The following PCCA variants were observed in gnomAD, a reference collection of about 807,000 sequenced individuals.
PCCA encodes the protein propionyl-CoA carboxylase subunit alpha, also known as propionyl-CoA carboxylase alpha chain, mitochondrial.
In PCCA, 74 loss-of-function variants were observed where a neutral mutation model predicts 101.3. The observed-to-expected ratio is 0.73, with a 90% CI of 0.61 to 0.89. The LOEUF is 0.89. PCCA is among the 40% of genes least tolerant of loss of function. The probability of loss-of-function intolerance (pLI) is 0.00; values close to 1 mark genes in which losing one functional copy is unlikely to be tolerated. For synonymous variants in PCCA, 294 were observed against 313.6 expected (o/e 0.94, Z 0.66); for missense variants, 891 against 907.0 (o/e 0.98, Z 0.23).
chr13:100,225,677 A>G (rs894708397), intron 7 of PCCA, among the ~76,000 whole-genome samples: 2 of 152,248 alleles, frequency 1.3e-5, no homozygotes, highest in African/African-American at 4.8e-5. Flanking sequence ...CTAAACCAAG[A>G]ATAATCAGTT....
At position 100,340,227 on chromosome 13, in the gene PCCA, G is replaced by A; in HGVS notation, c.1611G>A (p.Gln537=). The part of the protein sequence containing the change: ...AIASSLFVAF[Q]LRAQHFQENS... ...CATCATCATTGTTTGTGGCATTCCA[G>A]TTAAGAGCACAACATTTTCAAGAAA... Residue 537 remains glutamine (Q), a synonymous_variant, in exon 18 of 24, where the codon CAG becomes CAA. Coordinates refer to ENST00000376285, the MANE Select transcript of PCCA (RefSeq NM_000282.4). 1.2e-6 allele frequency: 2 copies of A among 1,606,874 alleles called. No individual in the cohort carries two copies. Among genetic ancestry groups the A allele is most frequent in the East Asian group, 2.2e-5 (1 of 44,794 alleles).
chr13:100,232,363 T>G (rs893949929), intron 7 of PCCA, among the ~76,000 whole-genome samples: 1 of 149,658 alleles, frequency 6.7e-6, no homozygotes, highest in African/African-American at 2.5e-5. Context: ...TGTGTGTGTG[T>G]GTGTGTGTGT....
At chr13:100,356,764 A>G (rs2152791887) in intron 18 of PCCA, among the ~76,000 whole-genome samples, 1 of 152,308 alleles carries the variant, frequency 6.6e-6, no homozygotes, top group East Asian at 1.9e-4. Context: ...GTTGTATACA[A>G]ATGTTTATAG....
chr13:100,393,180 C>T (rs1001890365), intron 19 of PCCA, among the ~76,000 whole-genome samples: 1 of 152,070 alleles, frequency 6.6e-6, no homozygotes, highest in African/African-American at 2.4e-5. Flanking sequence ...GAAAAAAACA[C>T]GATTGCTCAA....
intron 8 of PCCA, among the ~76,000 whole-genome samples, chr13:100,248,292 G>T (rs2061562431): frequency 6.6e-6 from 1 of 151,568 alleles, no homozygotes; most frequent in Non-Finnish European, 1.5e-5. Context: ...GCTTCTTTTT[G>T]ATGACGACTT....
intron 19 of PCCA, among the ~76,000 whole-genome samples, chr13:100,397,478 G>A (rs1175887156): frequency 6.6e-6 from 1 of 151,538 alleles, no homozygotes; most frequent in Non-Finnish European, 1.5e-5. Context: ...GTAATACGAT[G>A]TTTATAGTTG....
intron 23 of PCCA, among the ~76,000 whole-genome samples, chr13:100,528,970 G>A (rs1221098317): frequency 6.6e-6 from 1 of 152,168 alleles, no homozygotes; most frequent in Non-Finnish European, 1.5e-5. Context: ...ATGCAGAAAT[G>A]ACCTTGGCCT....
In PCCA at chr13:100,125,135, T is replaced by TTGTG. The variant is rs3034643; in HGVS notation, c.300+13098_300+13101dup. Among the ~76,000 whole-genome samples, 1,326 of 149,188 alleles carry TTGTG rather than the reference T, an allele frequency of 8.9e-3. 15 individuals are homozygous for TTGTG. Among genetic ancestry groups the TTGTG allele is most frequent in the East Asian group, 0.043 (215 of 5,008 alleles). On this transcript the variant is annotated intron_variant, in intron 4 of 23. Coordinates refer to ENST00000376285, the MANE Select transcript of PCCA (RefSeq NM_000282.4). ...TGAAAAGTATCAGGTGACCTTTTAT[T>TTGTG]TGTGTGTGTGTGTGTGTGTGTGTGT...
At chr13:100,516,566 T>C (rs1400121048) in intron 22 of PCCA, among the ~76,000 whole-genome samples, 1 of 152,234 alleles carries the variant, frequency 6.6e-6, no homozygotes, top group African/African-American at 2.4e-5. Flanking sequence ...CTGCTTTACC[T>C]GGTGATACAG....
intron 16 of PCCA, among the ~76,000 whole-genome samples, chr13:100,316,052 G>T (rs2067317653): frequency 6.6e-6 from 1 of 152,036 alleles, no homozygotes; most frequent in Admixed American, 6.5e-5. Flanking sequence ...GAGCTCTTAG[G>T]TATAAAATAC....
At chr13:100,454,123 C>T (rs2081545788) in intron 21 of PCCA, among the ~76,000 whole-genome samples, 1 of 152,028 alleles carries the variant, frequency 6.6e-6, no homozygotes, top group South Asian at 2.1e-4. Context: ...ATCCACCCGC[C>T]TCAGCTTCCC....
intron 13 of PCCA, 94 bp downstream of exon 13, chr13:100,301,697 T>C: frequency 7.2e-7 from 1 of 1,389,112 alleles, no homozygotes; most frequent in Non-Finnish European, 1.0e-6. Context: ...TAGGGTTTTA[T>C]AATGTTGCCA....
intron 19 of PCCA, among the ~76,000 whole-genome samples, chr13:100,409,161 G>C (rs1056925748): frequency 6.6e-6 from 1 of 152,158 alleles, no homozygotes; most frequent in African/African-American, 2.4e-5. Context: ...CTATGGAAAG[G>C]TCGGGTTGGT....
chr13:100,303,153 A>T (rs1404626855), intron 14 of PCCA, among the ~76,000 whole-genome samples, 155 bp downstream of exon 14: 1 of 152,138 alleles, frequency 6.6e-6, no homozygotes, highest in African/African-American at 2.4e-5. Flanking sequence ...AATTTTTTTC[A>T]GTATTTTGTG....
At chr13:100,168,467 T>C (rs139948045) in intron 6 of PCCA, among the ~76,000 whole-genome samples, 106 of 152,316 alleles carry the variant, frequency 7.0e-4, no homozygotes, top group African/African-American at 2.3e-3. Flanking sequence ...TTTTTGGCCT[T>C]TTTTGAACAG....
chr13:100,149,595 A>T (rs1443498392), intron 4 of PCCA: 1 of 152,218 alleles, frequency 6.6e-6, no homozygotes, highest in South Asian at 2.1e-4. Context: ...AGCTGTTGCT[A>T]CTTTCAGCCA....
At chr13:100,192,962 C>T (rs2057840563) in intron 6 of PCCA, among the ~76,000 whole-genome samples, 1 of 152,100 alleles carries the variant, frequency 6.6e-6, no homozygotes, top group Non-Finnish European at 1.5e-5. Flanking sequence ...AGACTATAAA[C>T]TCTTGAGTGT....
chr13:100,272,570 C>T (rs2063372816), intron 11 of PCCA, among the ~76,000 whole-genome samples: 1 of 152,076 alleles, frequency 6.6e-6, no homozygotes, highest in African/African-American at 2.4e-5. Flanking sequence ...AAATGACACA[C>T]ACACACACAC....
At chr13:100,478,364 A>G (rs2083592963) in intron 21 of PCCA, among the ~76,000 whole-genome samples, 4 of 152,252 alleles carry the variant, frequency 2.6e-5, no homozygotes, top group Admixed American at 1.3e-4. Context: ...GGGCTCTGGG[A>G]TCAGCCTGCT....
Sources: gnomAD v4.1 joint callset for allele counts (sites outside exome capture counted in the v4.1 genomes callset) on GRCh38, gnomAD v4.1.1 for gene constraint, MANE v1.5 for transcripts, NCBI Gene and HGNC (gene_info 2026-07-23, HGNC 2026-07-21) for gene names.